GADL1: variants seen among roughly 807,000 people sequenced by gnomAD.
GADL1 encodes the protein GAD like acidic amino acid decarboxylase 1, also known as acidic amino acid decarboxylase GADL1.
In GADL1, 71 loss-of-function variants were observed where a neutral mutation model predicts 69.5. That is an observed-to-expected ratio of 1.02 (90% confidence interval 0.84 to 1.25). GADL1 has a LOEUF of 1.25. GADL1 is among the 50% of genes most tolerant of loss of function. The pLI is 0.00. For missense variants in GADL1, 737 were observed against 631.8 expected (o/e 1.17, Z -1.79); for synonymous variants, 254 against 214.4 (o/e 1.18, Z -1.62).
chr3:30,801,510 C>T (rs1697165354), intron 11 of GADL1, among the ~76,000 whole-genome samples: 1 of 152,090 alleles, frequency 6.6e-6, no homozygotes, highest in Non-Finnish European at 1.5e-5. Context: ...AAGACCTTCT[C>T]TCCTTCATAT....
intron 14 of GADL1, among the ~76,000 whole-genome samples, chr3:30,744,668 C>T (rs2125474578): frequency 6.6e-6 from 1 of 152,248 alleles, no homozygotes; most frequent in Non-Finnish European, 1.5e-5. Flanking sequence ...GAGCCATGAT[C>T]ACACCACCGC....
intron 14 of GADL1, among the ~76,000 whole-genome samples, chr3:30,746,043 C>T (rs906615386): frequency 1.3e-5 from 2 of 149,114 alleles, no homozygotes; most frequent in Non-Finnish European, 3.0e-5. Context: ...GGCTGGAGTG[C>T]CATGGTGGGG....
intron 14 of GADL1, among the ~76,000 whole-genome samples, chr3:30,769,473 C>T (rs1193658764): frequency 6.6e-6 from 1 of 152,060 alleles, no homozygotes; most frequent in Non-Finnish European, 1.5e-5. Context: ...TCTCCTGTAC[C>T]CTCTTCTGGC....
At chr3:30,769,839 C>G (rs940425919) in intron 14 of GADL1, among the ~76,000 whole-genome samples, 1 of 152,296 alleles carries the variant, frequency 6.6e-6, no homozygotes, top group South Asian at 2.1e-4. Flanking sequence ...TGGGCCAATC[C>G]CAGAACTGCT....
intron 1 of GADL1, among the ~76,000 whole-genome samples, chr3:30,876,143 A>C (rs770774392): frequency 1.3e-5 from 2 of 152,060 alleles, no homozygotes; most frequent in Non-Finnish European, 2.9e-5. Context: ...TACTGTATTT[A>C]ATCTTCACAA....
At chr3:30,836,696 A>G (rs1443499274) in intron 9 of GADL1, among the ~76,000 whole-genome samples, 2 of 152,106 alleles carry the variant, frequency 1.3e-5, no homozygotes, top group Admixed American at 1.3e-4. Flanking sequence ...ATGATTTTAA[A>G]TACGTTTGTG....
intron 14 of GADL1, among the ~76,000 whole-genome samples, chr3:30,731,463 A>G (rs755720231): frequency 3.9e-5 from 6 of 152,208 alleles, no homozygotes; most frequent in Non-Finnish European, 1.5e-5. Context: ...ATCAAAATGA[A>G]TCTGTCACGT....
intron 14 of GADL1, among the ~76,000 whole-genome samples, chr3:30,775,718 A>G (rs1256486345): frequency 6.6e-6 from 1 of 152,152 alleles, no homozygotes; most frequent in Non-Finnish European, 1.5e-5. Flanking sequence ...AATAAACTGG[A>G]TATTTACTGT....
intron 1 of GADL1, among the ~76,000 whole-genome samples, chr3:30,877,967 C>T (rs142642539): frequency 4.1e-3 from 623 of 152,000 alleles, no homozygotes; most frequent in Non-Finnish European, 6.3e-3. Flanking sequence ...ACCAAAAAAT[C>T]TCAGATGCTG....
chr3:30,796,462 C>T (rs146076176), intron 12 of GADL1, among the ~76,000 whole-genome samples: 9 of 152,238 alleles, frequency 5.9e-5, no homozygotes, highest in Admixed American at 4.6e-4. Flanking sequence ...GGTGAATCAT[C>T]GTTACTACTG....
At chr3:30,793,428 G>A (rs777785424) in intron 12 of GADL1, among the ~76,000 whole-genome samples, 5 of 151,924 alleles carry the variant, frequency 3.3e-5, no homozygotes, top group African/African-American at 9.7e-5. Flanking sequence ...AAAAAAGTAC[G>A]TTCAGTTTGG....
intron 1 of GADL1, among the ~76,000 whole-genome samples, chr3:30,876,500 A>G (rs141599678): frequency 9.2e-5 from 14 of 152,172 alleles, no homozygotes; most frequent in African/African-American, 3.1e-4. Flanking sequence ...CTTGTAATGA[A>G]CAAGTATGAG....
intron 1 of GADL1, among the ~76,000 whole-genome samples, chr3:30,876,398 A>T (rs560568101): frequency 1.4e-5 from 2 of 146,644 alleles, no homozygotes; most frequent in Non-Finnish European, 3.0e-5. Context: ...GATTGGTAGC[A>T]TTCGCCTATT....
At chr3:30,753,247 C>T (rs1320844445) in intron 14 of GADL1, among the ~76,000 whole-genome samples, 2 of 152,140 alleles carry the variant, frequency 1.3e-5, no homozygotes, top group Non-Finnish European at 2.9e-5. Context: ...GAGATAGTTC[C>T]AATCTACGTT....
chr3:30,774,645 C>CT (rs1316007070), intron 14 of GADL1, among the ~76,000 whole-genome samples: 1 of 152,066 alleles, frequency 6.6e-6, no homozygotes, highest in Non-Finnish European at 1.5e-5. Context: ...TAAAACTTTT[C>CT]TTATAAACTT....
rs543983206 is a variant in GADL1, at chr3:30,726,838, G to A, written c.*1404C>T. On this transcript the variant is annotated 3_prime_UTR_variant, in exon 15 of 15. Transcript: ENST00000282538. ...AAACTCTCCTAGAAACCTAGGACCA[G>A]GGTCAGAGATAGAATTAAAATCACC... is the stretch of plus-strand genomic sequence containing the variant. 1.5e-3 allele frequency: 231 copies of A among 152,394 alleles called. 1 individual carries two copies. The highest frequency in any genetic ancestry group is 5.3e-3 in the African/African-American group (220 of 41,466). 9.4% of individuals were successfully genotyped at this position (152,394 alleles called of 1,614,324 possible).
intron 10 of GADL1, 98 bp downstream of exon 10, chr3:30,834,119 C>A (rs531964448): frequency 4.9e-5 from 54 of 1,107,786 alleles, no homozygotes; most frequent in Non-Finnish European, 6.4e-5. Flanking sequence ...TTAAGGAAAA[C>A]AATTACTTTG....
At chr3:30,862,154 T>A (rs6775621) in intron 1 of GADL1, among the ~76,000 whole-genome samples, 31,158 of 151,668 alleles carry the variant, frequency 0.21, 3,675 homozygotes, top group East Asian at 0.51. Flanking sequence ...ATAATTAGAA[T>A]GCTGATTCAC....
chr3:30,791,518 C>T (rs1329072978), intron 12 of GADL1, among the ~76,000 whole-genome samples: 1 of 152,152 alleles, frequency 6.6e-6, no homozygotes, highest in Non-Finnish European at 1.5e-5. Context: ...ACAAAACTTG[C>T]ATGTATTAAC....
Sources: allele counts gnomAD v4.1 joint callset (sites outside exome capture counted in the v4.1 genomes callset), GRCh38; gene constraint gnomAD v4.1.1; transcripts MANE v1.5; gene names NCBI Gene and HGNC (gene_info 2026-07-23, HGNC 2026-07-21).